Variants in CNGA1 observed in about 807,000 individuals in gnomAD.
CNGA1 encodes cyclic nucleotide gated channel subunit alpha 1.
In CNGA1, 53 loss-of-function variants were observed where a neutral mutation model predicts 69.7. That is an observed-to-expected ratio of 0.76 (90% CI 0.61 to 0.96). The LOEUF is 0.96. CNGA1 is among the 40% of genes least tolerant of loss of function. The probability of loss-of-function intolerance (pLI) is 0.00; values close to 1 mark genes in which losing one functional copy is unlikely to be tolerated. For missense variants in CNGA1, 739 were observed against 811.2 expected, an observed-to-expected ratio of 0.91 and a Z score of 1.08; for synonymous variants, 249 against 283.5, an observed-to-expected ratio of 0.88 and a Z score of 1.22.
chr4:47,986,183 G>A (rs1457133617), intron 2 of CNGA1, among the ~76,000 whole-genome samples: 3 of 152,128 alleles, frequency 2.0e-5, no homozygotes, highest in African/African-American at 7.2e-5. Flanking sequence ...AGAGGTGGGC[G>A]GATCACTTGA....
At chr4:47,974,697 T>C (rs1014941145) in intron 3 of CNGA1, among the ~76,000 whole-genome samples, 5 of 145,714 alleles carry the variant, frequency 3.4e-5, no homozygotes, top group African/African-American at 1.0e-4. Context: ...CAGTATTTAA[T>C]TGCAGAACTA....
intron 3 of CNGA1, among the ~76,000 whole-genome samples, chr4:47,967,220 T>A (rs1467380753): frequency 1.3e-5 from 2 of 152,118 alleles, no homozygotes; most frequent in Non-Finnish European, 2.9e-5. Context: ...GGAGAATCAC[T>A]TGAACCCAGG....
chr4:47,976,657 G>A (rs1400744311), intron 3 of CNGA1, among the ~76,000 whole-genome samples: 1 of 151,974 alleles, frequency 6.6e-6, no homozygotes, highest in African/African-American at 2.4e-5. Flanking sequence ...TCTCTGAAAA[G>A]GGTACATTTA....
intron 6 of CNGA1, among the ~76,000 whole-genome samples, chr4:47,949,203 G>A (rs1054433515): frequency 1.3e-5 from 2 of 152,072 alleles, no homozygotes; most frequent in African/African-American, 4.8e-5. Context: ...CCTCTCCCTT[G>A]GCTGGCCTTG....
At chr4:47,961,021 C>T (rs577682081) in intron 3 of CNGA1, among the ~76,000 whole-genome samples, 1 of 152,120 alleles carries the variant, frequency 6.6e-6, no homozygotes, top group South Asian at 2.1e-4. Context: ...AATATATTTG[C>T]ATTTTACTTA....
Position 47,936,367 on chromosome 4 carries a change from A to T in CNGA1, c.*54T>A. On this transcript the variant is annotated 3_prime_UTR_variant, in exon 11 of 11. Transcript: ENST00000514170. ...TTTTAAATTTTAGTTGATGTCAGTC[A>T]TAGGATCAAAAGGATCATGAGGCAT... is the stretch of plus-strand genomic sequence containing the variant. 6.3e-7 allele frequency: 1 copy of T among 1,582,600 alleles called. No homozygotes were observed. The highest frequency in any genetic ancestry group is 8.7e-7 in the Non-Finnish European group (1 of 1,151,558).
intron 2 of CNGA1, among the ~76,000 whole-genome samples, chr4:47,988,984 A>T (rs2352460): frequency 0.013 from 1,961 of 151,626 alleles, 11 homozygotes; most frequent in Middle Eastern, 0.038. Context: ...TTAGTTTTAA[A>T]AAAAAAAAGG....
At chr4:48,006,937 T>C (rs1360573736) in intron 2 of CNGA1, among the ~76,000 whole-genome samples, 1 of 152,206 alleles carries the variant, frequency 6.6e-6, no homozygotes, top group African/African-American at 2.4e-5. Flanking sequence ...TAATTTATAA[T>C]TTTGATTTTG....
chr4:47,955,188 T>C (rs981562099), intron 3 of CNGA1, among the ~76,000 whole-genome samples: 2,728 of 138,734 alleles, frequency 0.02, 52 homozygotes, highest in Non-Finnish European at 0.03. Flanking sequence ...TTTTTTTTTT[T>C]TTTTTTTTTT....
At chr4:48,006,871 CCTT>C (rs777753815) in intron 2 of CNGA1, among the ~76,000 whole-genome samples, 28 of 152,098 alleles carry the variant, frequency 1.8e-4, no homozygotes, top group Non-Finnish European at 4.0e-4. Flanking sequence ...GATCCTCCCT[CCTT>C]GGCCTCCCAA....
At chr4:47,972,681 T>A (rs1356175114) in intron 3 of CNGA1, among the ~76,000 whole-genome samples, 1 of 152,252 alleles carries the variant, frequency 6.6e-6, no homozygotes, top group Non-Finnish European at 1.5e-5. Flanking sequence ...CATGTTTATA[T>A]TCTTGGTCTG....
chr4:47,936,964 C>G lies in CNGA1; in HGVS notation c.1518G>C (p.Gly506=), dbSNP rs1738691949. 1.2e-6 allele frequency: 2 copies of G among 1,613,792 alleles called. No homozygotes were observed. The highest frequency in any genetic ancestry group is 1.3e-5 in the African/African-American group (1 of 74,912). Residue 506 remains glycine (G), a synonymous_variant, in exon 11 of 11, where the codon GGG becomes GGC. Coordinates refer to ENST00000514170, the MANE Select transcript of CNGA1 (RefSeq NM_001379270.1). The part of the protein sequence containing the change: ...YSPGDYICKK[G]DIGREMYIIK... ...TAATGTACATCTCTCGTCCGATATCCCCTTTCTTGCAAATATAATCTCCAG... is the reference window on the plus strand; with the variant it reads ...TAATGTACATCTCTCGTCCGATATCGCCTTTCTTGCAAATATAATCTCCAG...
At chr4:47,964,819 T>C (rs1560294951) in intron 3 of CNGA1, among the ~76,000 whole-genome samples, 1 of 152,112 alleles carries the variant, frequency 6.6e-6, no homozygotes, top group Non-Finnish European at 1.5e-5. Context: ...TCTAAATTTT[T>C]ATTAATTCCT....
At chr4:48,010,005 A>G (rs1300973629) in intron 2 of CNGA1, among the ~76,000 whole-genome samples, 1 of 152,222 alleles carries the variant, frequency 6.6e-6, no homozygotes, top group Non-Finnish European at 1.5e-5. Flanking sequence ...AGATTCATAA[A>G]GACCTTTTTT....
rs763060262 is a variant in CNGA1 at position 47,940,800 on chromosome 4, T to C, written c.615A>G (p.Ile205Met). 1 of 1,610,866 alleles carries C rather than the reference T, an allele frequency of 6.2e-7. No individual in the cohort carries two copies. Among genetic ancestry groups the C allele is most frequent in the South Asian group, 1.1e-5 (1 of 90,896 alleles). The change falls in exon 10 of 11, where the codon ATA (isoleucine) becomes ATG (methionine). Residue 205 changes from isoleucine (I) to methionine (M), a missense_variant. Physicochemically the swap from Ile to Met is conservative, Grantham distance 10. Transcript: ENST00000514170. The part of the protein sequence containing the change: ...YWLILDYVSD[I>M]VYLIDMFVRT... Reference sequence around the variant, plus strand: ...GTACAAACATATCGATTAAATAGACTATGTCTGATACGTAATCCAAAATGA... The same window carrying C: ...GTACAAACATATCGATTAAATAGACCATGTCTGATACGTAATCCAAAATGA...
chr4:48,012,232 T>C (rs962429909), intron 1 of CNGA1, among the ~76,000 whole-genome samples: 5 of 152,142 alleles, frequency 3.3e-5, no homozygotes, highest in African/African-American at 9.7e-5. Context: ...ACACCTTAGA[T>C]AGGAATTTGG....
At chr4:47,956,641 G>A (rs1740106559) in intron 3 of CNGA1, among the ~76,000 whole-genome samples, 1 of 152,082 alleles carries the variant, frequency 6.6e-6, no homozygotes. Flanking sequence ...CCTGATTTTA[G>A]ATACATGAAG....
intron 3 of CNGA1, among the ~76,000 whole-genome samples, chr4:47,979,566 A>C (rs1177292103): frequency 6.6e-6 from 1 of 152,158 alleles, no homozygotes; most frequent in Non-Finnish European, 1.5e-5. Flanking sequence ...AACAAAGGAA[A>C]GTTTCTGCCT....
chr4:47,983,499 A>T (rs1741838283), intron 2 of CNGA1, among the ~76,000 whole-genome samples: 1 of 152,138 alleles, frequency 6.6e-6, no homozygotes, highest in African/African-American at 2.4e-5. Context: ...CTGAGGTCGG[A>T]GAATCACTTG....
Sources: gnomAD v4.1 joint callset for allele counts (sites outside exome capture counted in the v4.1 genomes callset) on GRCh38, gnomAD v4.1.1 for gene constraint, MANE v1.5 for transcripts, NCBI Gene and HGNC (gene_info 2026-07-23, HGNC 2026-07-21) for gene names.